AKT3: variants seen among roughly 807,000 people sequenced by gnomAD.
AKT3 encodes the protein AKT serine/threonine kinase 3, also known as RAC-gamma serine/threonine-protein kinase.
AKT3 carries 15 observed loss-of-function variants against 65.3 expected under a neutral mutation model. That is an observed-to-expected ratio of 0.23 (90% CI 0.15 to 0.35). AKT3 has a LOEUF of 0.35. AKT3 is among the 10% of genes least tolerant of loss of function. The pLI is 1.00. For missense variants in AKT3, 243 were observed against 576.5 expected, an observed-to-expected ratio of 0.42 and a Z score of 5.92; for synonymous variants, 206 against 183.8, an observed-to-expected ratio of 1.12 and a Z score of -0.98.
chr1:243,747,479 C>T (rs534098989), intron 2 of AKT3, among the ~76,000 whole-genome samples: 2 of 152,024 alleles, frequency 1.3e-5, no homozygotes, highest in African/African-American at 2.4e-5. Context: ...AATTACATTG[C>T]CATTGCTGCT....
At chr1:243,552,677 C>T (rs2148465805) in intron 11 of AKT3, 52 bp downstream of exon 11, 2 of 1,513,080 alleles carry the variant, frequency 1.3e-6, no homozygotes, top group Non-Finnish European at 1.8e-6. Context: ...TTCCATATCT[C>T]AATTTTTAAC....
intron 6 of AKT3, chr1:243,624,974 G>T: frequency 3.1e-6 from 1 of 321,306 alleles, no homozygotes; most frequent in South Asian, 3.7e-5. Flanking sequence ...CCTGCCTAGT[G>T]ACAAAGCCCA....
chr1:243,796,200 GTC>G (rs1456590126), intron 2 of AKT3, among the ~76,000 whole-genome samples: 2 of 152,174 alleles, frequency 1.3e-5, no homozygotes, highest in Non-Finnish European at 2.9e-5. Context: ...ACCTCTCCCA[GTC>G]TCTGATTTCT....
intron 2 of AKT3, among the ~76,000 whole-genome samples, chr1:243,805,386 T>C (rs1166134526): frequency 6.6e-6 from 1 of 152,186 alleles, no homozygotes; most frequent in Non-Finnish European, 1.5e-5. Flanking sequence ...CACTAGCACG[T>C]TCCCCTCTGC....
intron 2 of AKT3, 39 bp downstream of exon 2, chr1:243,843,086 C>A (rs1055134235): frequency 1.9e-6 from 3 of 1,610,804 alleles, no homozygotes. Context: ...TGCTAGCACT[C>A]TTACCAACCG....
At chr1:243,791,356 T>G (rs1455864975) in intron 2 of AKT3, among the ~76,000 whole-genome samples, 1 of 151,704 alleles carries the variant, frequency 6.6e-6, no homozygotes, top group Non-Finnish European at 1.5e-5. Flanking sequence ...CCACAATGGG[T>G]ATGAGAGGCG....
chr1:243,577,684 T>C lies in AKT3; in HGVS notation c.697-4636A>G, dbSNP rs183923288. Among the ~76,000 whole-genome samples the C allele has an allele frequency of 5.2e-3, 785 of 152,208 alleles. 4 individuals are homozygous for C. Among genetic ancestry groups the C allele is most frequent in the Non-Finnish European group, 8.7e-3 (593 of 68,020 alleles). On this transcript the variant is annotated intron_variant, in intron 8 of 13. Coordinates refer to ENST00000673466, the MANE Select transcript of AKT3 (RefSeq NM_005465.7). ...AAAGCAATTACAACAAAAGCAATAATTGACAAGTGGGATCTAATTAAAGAG... is the reference window on the plus strand; with the variant it reads ...AAAGCAATTACAACAAAAGCAATAACTGACAAGTGGGATCTAATTAAAGAG...
chr1:243,781,100 C>T (rs1690881767), intron 2 of AKT3, among the ~76,000 whole-genome samples: 1 of 152,056 alleles, frequency 6.6e-6, no homozygotes, highest in Non-Finnish European at 1.5e-5. Context: ...AGCTATACAG[C>T]CTTCTAAAAT....
intron 4 of AKT3, among the ~76,000 whole-genome samples, chr1:243,657,841 T>C (rs1276506880): frequency 6.6e-6 from 1 of 152,168 alleles, no homozygotes; most frequent in Non-Finnish European, 1.5e-5. Context: ...ACCATATATA[T>C]ATACAGTCAA....
chr1:243,603,317 T>C (rs753775614), intron 8 of AKT3, among the ~76,000 whole-genome samples: 29 of 152,204 alleles, frequency 1.9e-4, no homozygotes, highest in Non-Finnish European at 4.0e-4. Flanking sequence ...GTAGTCTCCA[T>C]AGGAACTATT....
chr1:243,581,569 T>C (rs1574648138), intron 8 of AKT3, among the ~76,000 whole-genome samples: 1 of 151,980 alleles, frequency 6.6e-6, no homozygotes, highest in African/African-American at 2.4e-5. Flanking sequence ...AATAACATTA[T>C]AGGGAAAGAA....
At chr1:243,622,852 A>C (rs1016438785) in intron 6 of AKT3, among the ~76,000 whole-genome samples, 5 of 152,256 alleles carry the variant, frequency 3.3e-5, no homozygotes, top group African/African-American at 1.2e-4. Flanking sequence ...TCACGTTAAG[A>C]GATTTCAGTT....
chr1:243,489,088 T>A, intron 13 of AKT3: 1 of 1,613,350 alleles, frequency 6.2e-7, no homozygotes, highest in Admixed American at 1.7e-5. Flanking sequence ...CAGAACCAGC[T>A]TCTCCTGGAG....
intron 6 of AKT3, among the ~76,000 whole-genome samples, chr1:243,629,580 C>G (rs961597529): frequency 6.6e-6 from 1 of 152,092 alleles, no homozygotes; most frequent in Non-Finnish European, 1.5e-5. Flanking sequence ...ATCATGAGGT[C>G]AGGAGACCGA....
intron 3 of AKT3, among the ~76,000 whole-genome samples, chr1:243,681,730 TAG>T (rs1217131702): frequency 2.0e-5 from 3 of 152,172 alleles, no homozygotes; most frequent in African/African-American, 7.2e-5. Flanking sequence ...AACCAGGTGT[TAG>T]AGTTCAAATC....
At chr1:243,581,414 G>A (rs1466807604) in intron 8 of AKT3, among the ~76,000 whole-genome samples, 1 of 152,188 alleles carries the variant, frequency 6.6e-6, no homozygotes, top group African/African-American at 2.4e-5. Context: ...CTACAGGCTT[G>A]CAGGTCAAAT....
intron 2 of AKT3, among the ~76,000 whole-genome samples, chr1:243,730,391 C>A (rs1259221345): frequency 2.0e-5 from 3 of 152,204 alleles, no homozygotes; most frequent in Admixed American, 6.5e-5. Context: ...GGACAAAGGA[C>A]CAGAATTCGG....
At chr1:243,821,145 A>T (rs557906901) in intron 2 of AKT3, among the ~76,000 whole-genome samples, 2 of 152,288 alleles carry the variant, frequency 1.3e-5, no homozygotes, top group South Asian at 2.1e-4. Context: ...TTAAGAAAAA[A>T]ATTTCCAACC....
intron 8 of AKT3, among the ~76,000 whole-genome samples, chr1:243,599,000 G>A (rs1676824456): frequency 6.6e-6 from 1 of 152,024 alleles, no homozygotes. Flanking sequence ...TCCTGTATAG[G>A]AGAACATTTG....
Sources: gnomAD v4.1 joint callset for allele counts (sites outside exome capture counted in the v4.1 genomes callset) on GRCh38, gnomAD v4.1.1 for gene constraint, MANE v1.5 for transcripts, NCBI Gene and HGNC (gene_info 2026-07-23, HGNC 2026-07-21) for gene names.